Variants in NEK10 observed in about 807,000 individuals in gnomAD.
NEK10 encodes serine/threonine-protein kinase Nek10.
A neutral mutation model predicts 159.8 loss-of-function variants in NEK10; 122 were observed. The ratio of observed to expected loss-of-function variants is 0.76; its 90% CI spans 0.66 to 0.89. The LOEUF (loss-of-function observed/expected upper bound fraction) is 0.89. NEK10 is among the 40% of genes least tolerant of loss of function. NEK10 has a pLI of 0.00. For missense variants in NEK10, 1,342 were observed against 1,323.1 expected, an observed-to-expected ratio of 1.01 and a Z score of -0.22; for synonymous variants, 466 against 457.1, an observed-to-expected ratio of 1.02 and a Z score of -0.25.
chr3:27,240,701 G>C (rs1444606713), intron 23 of NEK10, among the ~76,000 whole-genome samples: 1 of 149,932 alleles, frequency 6.7e-6, no homozygotes, highest in Non-Finnish European at 1.5e-5. Flanking sequence ...GGCCAGACTG[G>C]AGTGCAATGG....
intron 23 of NEK10, among the ~76,000 whole-genome samples, chr3:27,248,379 T>A (rs1046662994): frequency 6.6e-6 from 1 of 152,128 alleles, no homozygotes; most frequent in African/African-American, 2.4e-5. Context: ...TGCTCTTTAT[T>A]ATTACTTTTC....
At chr3:27,207,500 T>C (rs1402104150) in intron 23 of NEK10, among the ~76,000 whole-genome samples, 1 of 152,114 alleles carries the variant, frequency 6.6e-6, no homozygotes, top group Non-Finnish European at 1.5e-5. Flanking sequence ...CTCAAGGAGT[T>C]TGGGACACAG....
chr3:27,319,400 A>G (rs2045455965), intron 6 of NEK10, among the ~76,000 whole-genome samples: 1 of 152,256 alleles, frequency 6.6e-6, no homozygotes, highest in African/African-American at 2.4e-5. Context: ...CTGTACTAGC[A>G]GGAAAGATCC....
intron 25 of NEK10, among the ~76,000 whole-genome samples, chr3:27,193,600 ATTTTTTTTTTT>A (rs141331589): frequency 5.4e-5 from 3 of 55,080 alleles, no homozygotes; most frequent in East Asian, 7.3e-4. Flanking sequence ...CATATGCTTG[ATTTTTTTTTTT>A]TTTTTTTTTT....
Position 27,109,310 on chromosome 3 carries a change from C to T in NEK10, c.*1962G>A, listed in dbSNP as rs941693793. Among the ~76,000 whole-genome samples, 8 of 141,064 alleles carry T rather than the reference C, an allele frequency of 5.7e-5. No homozygotes were observed. The highest frequency in any genetic ancestry group is 3.1e-4 in the Admixed American group (4 of 13,070). The allele number at this position is 141,064 out of a possible 152,430, so 92.5% of individuals were successfully genotyped here. A position where few individuals can be genotyped will look rare whatever the true frequency, so the allele number is the denominator to read the frequency against. Reference sequence around the variant, plus strand: ...AGGAGAATTGCTTGAACCTGGGTGGCGGAGGTTGCAGTAAGTTAAGATCTC... The same window carrying T: ...AGGAGAATTGCTTGAACCTGGGTGGTGGAGGTTGCAGTAAGTTAAGATCTC... On this transcript the variant is annotated 3_prime_UTR_variant, in exon 36 of 36. Transcript: ENST00000691995.
chr3:27,247,885 C>T lies in NEK10; in HGVS notation c.2090+8411G>A, dbSNP rs532552027. ...TTGTATCAGGGTAATACTGGCCTCACGGTGTAAGTTTGGAAGTATACCCTC... is the reference window on the plus strand; with the variant it reads ...TTGTATCAGGGTAATACTGGCCTCATGGTGTAAGTTTGGAAGTATACCCTC... On this transcript the variant is annotated intron_variant, in intron 23 of 35. Transcript: ENST00000691995. Among the ~76,000 whole-genome samples the T allele has an allele frequency of 4.1e-5, 6 of 146,718 alleles. No homozygotes were observed. In the South Asian group the frequency reaches 8.9e-4, roughly 22 times the overall value.
intron 23 of NEK10, among the ~76,000 whole-genome samples, chr3:27,207,715 G>A (rs1313303957): frequency 6.6e-6 from 1 of 152,100 alleles, no homozygotes; most frequent in Non-Finnish European, 1.5e-5. Context: ...CTCAGGTATT[G>A]GCTATCACAC....
intron 23 of NEK10, among the ~76,000 whole-genome samples, chr3:27,204,884 CACTG>C (rs1188882433): frequency 1.4e-5 from 2 of 140,016 alleles, no homozygotes; most frequent in East Asian, 4.1e-4. Context: ...GGAATCGCCA[CACTG>C]ACTTCCACAA....
At position 27,110,635 on chromosome 3, in the gene NEK10, G is replaced by A. The variant is rs1939413787; in HGVS notation, c.*637C>T. Reference sequence around the variant, plus strand: ...TGACAGTTTGACAGTTACCCCCAGAGGCTGTGCAAGGTTACAAATACTGTC... The same window carrying A: ...TGACAGTTTGACAGTTACCCCCAGAAGCTGTGCAAGGTTACAAATACTGTC... On this transcript the variant is annotated 3_prime_UTR_variant, in exon 36 of 36. Coordinates refer to ENST00000691995, the MANE Select transcript of NEK10 (RefSeq NM_001394966.1). The A allele has an allele frequency of 2.6e-5, 4 of 151,908 alleles. No homozygotes were observed. The highest frequency in any genetic ancestry group is 2.0e-4 in the Admixed American group (3 of 15,232). The allele number at this position is 151,908 out of a possible 1,614,324, so 9.4% of individuals were successfully genotyped here. A position where few individuals can be genotyped will look rare whatever the true frequency, so the allele number is the denominator to read the frequency against.
At chr3:27,120,206 T>A (rs549580649) in intron 32 of NEK10, among the ~76,000 whole-genome samples, 1 of 152,264 alleles carries the variant, frequency 6.6e-6, no homozygotes, top group East Asian at 1.9e-4. Flanking sequence ...ATGGGAGGAA[T>A]AAACTCCAAT....
At chr3:27,210,952 C>T (rs189593808) in intron 23 of NEK10, among the ~76,000 whole-genome samples, 1 of 152,286 alleles carries the variant, frequency 6.6e-6, no homozygotes, top group Admixed American at 6.5e-5. Flanking sequence ...TAGATTAATG[C>T]AATACTTCTT....
chr3:27,246,074 A>G (rs1241244660), intron 23 of NEK10, among the ~76,000 whole-genome samples: 2 of 152,214 alleles, frequency 1.3e-5, no homozygotes, highest in East Asian at 1.9e-4. Flanking sequence ...TGAATTTCCA[A>G]TTGATAAAAG....
At chr3:27,162,788 G>C in intron 29 of NEK10, 50 bp from the exon 30 acceptor site, 1 of 1,612,372 alleles carries the variant, frequency 6.2e-7, no homozygotes, top group Non-Finnish European at 8.5e-7. Flanking sequence ...ACTTGGATTT[G>C]ACAAACTAAG....
Position 27,205,341 on chromosome 3 carries a change from G to C in NEK10, c.2091-2784C>G, listed in dbSNP as rs1490943471. On this transcript the variant is annotated intron_variant, in intron 23 of 35. Coordinates refer to ENST00000691995, the MANE Select transcript of NEK10 (RefSeq NM_001394966.1). ...CAAGCTACCAATGACTTTCTTCACA[G>C]AATTGGAAAAAACTACTTTAAAGTT... 1.0e-4 allele frequency among the ~76,000 whole-genome samples: 14 copies of C among 138,884 alleles called. No individual in the cohort carries two copies. In the East Asian group the frequency reaches 1.6e-3, roughly 16 times the overall value. The allele number at this position is 138,884 out of a possible 152,430, so 91.1% of individuals were successfully genotyped here.
Position 27,174,724 on chromosome 3 carries a change from T to C in NEK10, c.2615A>G (p.Tyr872Cys), listed in dbSNP as rs141326474. 2,387 of 1,613,672 alleles carry C rather than the reference T, an allele frequency of 1.5e-3. 3 individuals are homozygous for C. The highest frequency in any genetic ancestry group is 1.9e-3 in the Non-Finnish European group (2,223 of 1,179,850). The change falls in exon 27 of 36, where the codon TAT (tyrosine) becomes TGT (cysteine). Residue 872 changes from tyrosine (Y) to cysteine (C), a missense_variant. By Grantham distance (194) the Tyr-to-Cys change is radical. Coordinates refer to ENST00000691995, the MANE Select transcript of NEK10 (RefSeq NM_001394966.1). The part of the protein sequence containing the change: ...DLPPEGFQAS[Y>C]GKDEDRACDE... ...ACAGGCCCTGTCTTCGTCTTTACCA[T>C]AGGAGGCCTGGAAGCCTTCAGGGGG... is the stretch of plus-strand genomic sequence containing the variant.
At chr3:27,158,810 C>T (rs1182294539) in intron 30 of NEK10, among the ~76,000 whole-genome samples, 1 of 152,152 alleles carries the variant, frequency 6.6e-6, no homozygotes, top group African/African-American at 2.4e-5. Flanking sequence ...TTGACCCACA[C>T]TAATAGAATC....
chr3:27,121,291 G>A (rs1312189110), intron 32 of NEK10, among the ~76,000 whole-genome samples: 2 of 152,106 alleles, frequency 1.3e-5, no homozygotes, highest in Non-Finnish European at 1.5e-5. Flanking sequence ...AGAGCAACAC[G>A]GTTCAGTGTT....
intron 25 of NEK10, among the ~76,000 whole-genome samples, chr3:27,201,054 T>G (rs1430482612): frequency 6.6e-6 from 1 of 152,202 alleles, no homozygotes; most frequent in African/African-American, 2.4e-5. Flanking sequence ...CTCCTGATTC[T>G]CTATGAAAAA....
chr3:27,162,177 G>T (rs903572650), intron 30 of NEK10: 2 of 383,790 alleles, frequency 5.2e-6, no homozygotes, highest in African/African-American at 2.0e-5. Flanking sequence ...TTGTTTGTAG[G>T]TATGTACTTG....
Sources: allele counts gnomAD v4.1 joint callset (sites outside exome capture counted in the v4.1 genomes callset), GRCh38; gene constraint gnomAD v4.1.1; transcripts MANE v1.5; gene names NCBI Gene and HGNC (gene_info 2026-07-23, HGNC 2026-07-21).